Variants in SUMF1 observed in about 807,000 individuals in gnomAD.
SUMF1 encodes the protein sulfatase modifying factor 1.
In SUMF1, 48 loss-of-function variants were observed where a neutral mutation model predicts 47.6. The ratio of observed to expected loss-of-function variants is 1.01; its 90% CI spans 0.80 to 1.28. The LOEUF (loss-of-function observed/expected upper bound fraction) is 1.28. Among genes scored for constraint, SUMF1 ranks in the 50% most tolerant of loss-of-function variants. SUMF1 has a pLI of 0.00. For missense variants in SUMF1, 571 were observed against 485.4 expected, an observed-to-expected ratio of 1.18 and a Z score of -1.66; for synonymous variants, 230 against 192.1, an observed-to-expected ratio of 1.20 and a Z score of -1.63.
chr3:4,272,517 G>A (rs1210790060), intron 8 of SUMF1, among the ~76,000 whole-genome samples: 1 of 152,226 alleles, frequency 6.6e-6, no homozygotes, highest in Middle Eastern at 3.4e-3. Flanking sequence ...TTTCTGACGG[G>A]GGCTGACACA....
intron 8 of SUMF1, among the ~76,000 whole-genome samples, chr3:4,210,822 C>T (rs1695762972): frequency 6.6e-6 from 1 of 151,788 alleles, no homozygotes; most frequent in African/African-American, 2.4e-5. Context: ...ATTTGTGTCG[C>T]TGGGCTGGGA....
intron 8 of SUMF1, among the ~76,000 whole-genome samples, chr3:4,173,250 T>A (rs1372436277): frequency 6.6e-6 from 1 of 152,202 alleles, no homozygotes; most frequent in Non-Finnish European, 1.5e-5. Context: ...ACCACACTGT[T>A]TTGATTACTG....
At chr3:4,337,472 C>T (rs894751698) in intron 8 of SUMF1, among the ~76,000 whole-genome samples, 2 of 152,116 alleles carry the variant, frequency 1.3e-5, no homozygotes, top group African/African-American at 4.8e-5. Context: ...TCCTCTCGTC[C>T]AGACATATTT....
At chr3:4,047,041 G>GT (rs147884550) in intron 9 of SUMF1, among the ~76,000 whole-genome samples, 6,304 of 151,990 alleles carry the variant, frequency 0.041, 454 homozygotes, top group African/African-American at 0.14. Context: ...CACACCAAAC[G>GT]TATTTCTGCC....
chr3:4,334,896 T>C (rs1699115424), intron 8 of SUMF1, among the ~76,000 whole-genome samples: 2 of 152,234 alleles, frequency 1.3e-5, no homozygotes, highest in African/African-American at 4.8e-5. Context: ...GCCTTTGTCC[T>C]GTAAAACAGT....
intron 8 of SUMF1, among the ~76,000 whole-genome samples, chr3:4,076,749 C>T (rs956803411): frequency 3.9e-5 from 6 of 152,266 alleles, no homozygotes; most frequent in African/African-American, 1.2e-4. Flanking sequence ...CCTGTAATCC[C>T]AGCACTTTGG....
chr3:4,328,531 T>C (rs377695525), intron 8 of SUMF1, among the ~76,000 whole-genome samples: 175 of 152,214 alleles, frequency 1.1e-3, no homozygotes, highest in South Asian at 2.3e-3. Flanking sequence ...GCAAATAAAA[T>C]CATCAGATCT....
chr3:4,139,820 A>G (rs1694033278), intron 8 of SUMF1, among the ~76,000 whole-genome samples: 1 of 151,966 alleles, frequency 6.6e-6, no homozygotes, highest in Non-Finnish European at 1.5e-5. Flanking sequence ...TTTTCTTGAA[A>G]AATAGTATAG....
intron 9 of SUMF1, among the ~76,000 whole-genome samples, chr3:4,062,194 C>G (rs1158525917): frequency 6.6e-6 from 1 of 152,084 alleles, no homozygotes; most frequent in African/African-American, 2.4e-5. Context: ...GAAATGGAAG[C>G]TGACAGCTAT....
intron 1 of SUMF1, among the ~76,000 whole-genome samples, chr3:4,460,155 AAGT>A (rs956374022): frequency 2.6e-5 from 4 of 152,210 alleles, no homozygotes; most frequent in African/African-American, 7.2e-5. Flanking sequence ...ATTAGCGTGA[AAGT>A]AGGTTGAGGG....
At position 4,220,108 on chromosome 3, in the gene SUMF1, T is replaced by C. The variant is rs112662235; in HGVS notation, c.1015-151363A>G. On this transcript the variant is annotated intron_variant and NMD_transcript_variant, in intron 8 of 12. Transcript: ENST00000448413. Reference sequence around the variant, plus strand: ...AAGAGCATTACATAAGTCACTACAATTTCTTCTCTTTGTTTTCTACAAAAA... The same window carrying C: ...AAGAGCATTACATAAGTCACTACAACTTCTTCTCTTTGTTTTCTACAAAAA... Among the ~76,000 whole-genome samples the C allele has an allele frequency of 1.6e-3, 238 of 152,232 alleles. 4 individuals are homozygous for C. The highest frequency in any genetic ancestry group is 6.1e-3 in the Admixed American group (93 of 15,270).
chr3:4,100,278 G>A (rs1455445283), intron 8 of SUMF1, among the ~76,000 whole-genome samples: 1 of 151,784 alleles, frequency 6.6e-6, no homozygotes, highest in Admixed American at 6.6e-5. Context: ...CACACTACCT[G>A]ATTACAAAAT....
chr3:4,196,875 G>C (rs1286149564), intron 8 of SUMF1, among the ~76,000 whole-genome samples: 2 of 152,054 alleles, frequency 1.3e-5, no homozygotes, highest in African/African-American at 4.8e-5. Context: ...ATCAATAAAA[G>C]CCTTGTTTGT....
At position 4,436,192 on chromosome 3, in the gene SUMF1, G is replaced by C. The variant is rs895711357; in HGVS notation, c.519+13074C>G. Among the ~76,000 whole-genome samples, 9 of 152,258 alleles carry C rather than the reference G, an allele frequency of 5.9e-5. No individual in the cohort carries two copies. In the East Asian group the frequency reaches 1.7e-3, roughly 29 times the overall value. The stretch of plus-strand genomic sequence containing the variant: ...AAGAAAAACAGCAGAACATAGTCTA[G>C]GTTTTTTCCAATGTATGTACATGTA... On this transcript the variant is annotated intron_variant, in intron 3 of 8. Transcript: ENST00000272902.
intron 8 of SUMF1, among the ~76,000 whole-genome samples, chr3:4,243,892 T>C (rs1696601003): frequency 1.3e-5 from 2 of 152,188 alleles, no homozygotes; most frequent in Non-Finnish European, 2.9e-5. Flanking sequence ...TGTAGGAATC[T>C]AAGTCTCTTT....
chr3:4,167,846 G>A (rs1049025662), intron 8 of SUMF1, among the ~76,000 whole-genome samples: 1 of 152,212 alleles, frequency 6.6e-6, no homozygotes, highest in African/African-American at 2.4e-5. Context: ...ACAGGAGGAA[G>A]ATAGAGCAGG....
intron 8 of SUMF1, among the ~76,000 whole-genome samples, chr3:4,210,330 G>A (rs1431052635): frequency 6.6e-6 from 1 of 152,028 alleles, no homozygotes; most frequent in African/African-American, 2.4e-5. Flanking sequence ...ACCTAGAAAA[G>A]CCAATACAAT....
Position 4,318,547 on chromosome 3 carries a change from C to G in SUMF1, c.1014+57783G>C, listed in dbSNP as rs576025219. ...AAGATATGGAACAAGAAAATGATCT[C>G]CAAGCTCACCACTTCTATTCAGCAT... On this transcript the variant is annotated intron_variant and NMD_transcript_variant, in intron 8 of 12. Coordinates refer to the SUMF1 transcript ENST00000448413. 1.4e-4 allele frequency among the ~76,000 whole-genome samples: 22 copies of G among 152,302 alleles called. No homozygotes were observed. The South Asian group carries it at 4.3e-3, about 30-fold the overall frequency.
At chr3:4,176,558 C>T (rs923575035) in intron 8 of SUMF1, among the ~76,000 whole-genome samples, 1 of 152,176 alleles carries the variant, frequency 6.6e-6, no homozygotes, top group Non-Finnish European at 1.5e-5. Context: ...TGGAAAGGAA[C>T]AACCAGTACC....
Sources: gnomAD v4.1 joint callset for allele counts (sites outside exome capture counted in the v4.1 genomes callset) on GRCh38, gnomAD v4.1.1 for gene constraint, MANE v1.5 for transcripts, NCBI Gene and HGNC (gene_info 2026-07-23, HGNC 2026-07-21) for gene names.